WDFY4: variants seen among roughly 807,000 people sequenced by gnomAD.
WDFY4 encodes WD repeat- and FYVE domain-containing protein 4.
WDFY4 carries 169 observed loss-of-function variants against 351.9 expected under a neutral mutation model. That is an observed-to-expected ratio of 0.48 (90% confidence interval 0.42 to 0.55). The LOEUF is 0.55. WDFY4 is among the 20% of genes least tolerant of loss of function. WDFY4 has a pLI of 0.00. For synonymous variants in WDFY4, 1,622 were observed against 1,574.6 expected (o/e 1.03, Z -0.71); for missense variants, 3,803 against 3,935.6 (o/e 0.97, Z 0.90).
chr10:48,795,133 G>A lies in WDFY4; in HGVS notation c.4258-1165G>A, dbSNP rs1346741245. ...GTGACCAGTAGGATCCAGAGACCAG[G>A]TAGATCGGAGACTCTGCTTGTGACA... On this transcript the variant is annotated intron_variant, in intron 23 of 61. Transcript: ENST00000325239. Among the ~76,000 whole-genome samples the A allele has an allele frequency of 3.3e-5, 5 of 152,100 alleles. No homozygotes were observed. In the East Asian group the frequency reaches 7.7e-4, roughly 23 times the overall value.
At chr10:48,858,776 A>T (rs1319828102) in intron 39 of WDFY4, among the ~76,000 whole-genome samples, 1 of 152,244 alleles carries the variant, frequency 6.6e-6, no homozygotes, top group African/African-American at 2.4e-5. Context: ...TTTATTAAAC[A>T]TGCTTAGCAA....
intron 7 of WDFY4, among the ~76,000 whole-genome samples, chr10:48,728,483 C>T (rs1176906073): frequency 5.9e-5 from 9 of 152,194 alleles, no homozygotes; most frequent in Admixed American, 1.3e-4. Flanking sequence ...CTTTGCTGGG[C>T]GAGAATGAGA....
intron 27 of WDFY4, among the ~76,000 whole-genome samples, chr10:48,807,173 T>C (rs1004811872): frequency 1.3e-5 from 2 of 152,202 alleles, no homozygotes; most frequent in African/African-American, 4.8e-5. Context: ...GCGTGGTGTA[T>C]GCCCTGTATT....
At position 48,941,154 on chromosome 10, in the gene WDFY4, C is replaced by G. The variant is rs764836713; in HGVS notation, c.7587-652C>G. 3.9e-5 allele frequency among the ~76,000 whole-genome samples: 6 copies of G among 152,062 alleles called. No homozygotes were observed. In the East Asian group the frequency reaches 1.2e-3, roughly 29 times the overall value. ...AGGATCCAGCTGTGCAACCCTGCCC[C>G]GTGGTTGCAGAGATGAATGCGAAAG... On this transcript the variant is annotated intron_variant, in intron 47 of 61. Transcript: ENST00000325239.
intron 24 of WDFY4, among the ~76,000 whole-genome samples, chr10:48,797,072 G>A (rs1167336238): frequency 1.3e-5 from 2 of 152,222 alleles, no homozygotes; most frequent in African/African-American, 4.8e-5. Flanking sequence ...AATGCTAGGT[G>A]CTTCAGTGAG....
intron 19 of WDFY4, among the ~76,000 whole-genome samples, chr10:48,783,449 AT>A: frequency 6.6e-6 from 1 of 151,822 alleles, no homozygotes; most frequent in Non-Finnish European, 1.5e-5. Flanking sequence ...TGCAGGGCCA[AT>A]TGTACATATT....
At chr10:48,820,773 T>G (rs12246033) in intron 33 of WDFY4, among the ~76,000 whole-genome samples, 16,091 of 152,106 alleles carry the variant, frequency 0.11, 953 homozygotes, top group South Asian at 0.15. Flanking sequence ...CAAGGGGGGT[T>G]CTGGGGTGCT....
At chr10:48,956,957 T>C (rs897659316) in intron 51 of WDFY4, among the ~76,000 whole-genome samples, 172 bp from the exon 52 acceptor site, 12 of 152,162 alleles carry the variant, frequency 7.9e-5, no homozygotes, top group African/African-American at 2.4e-5. Context: ...AAGGAACCGG[T>C]GGCTGGAGAA....
intron 56 of WDFY4, 57 bp downstream of exon 56, chr10:48,969,305 G>T: frequency 6.5e-7 from 1 of 1,536,116 alleles, no homozygotes; most frequent in Non-Finnish European, 8.8e-7. Flanking sequence ...CCTCCAGCTG[G>T]AGGCAGAGAT....
Position 48,709,965 on chromosome 10 carries a change from A to G in WDFY4, c.233A>G (p.Lys78Arg). The G allele has an allele frequency of 6.5e-7, 1 of 1,546,586 alleles. No homozygotes were observed. The highest frequency in any genetic ancestry group is 8.7e-7 in the Non-Finnish European group (1 of 1,143,596). ...SLLSLLPLFL[K>R]AWEHSVGIIC... ...TTGAGTCTTCTCCCCCTATTCCTAAAGGTTAGTGTTCTTATTTTTGAAACT... is the reference window on the plus strand; with the variant it reads ...TTGAGTCTTCTCCCCCTATTCCTAAGGGTTAGTGTTCTTATTTTTGAAACT... The change falls in exon 2 of 62, where the codon AAG (lysine) becomes AGG (arginine). Residue 78 changes from lysine to arginine, a missense_variant and splice_region_variant. Transcript: ENST00000325239.
intron 51 of WDFY4, among the ~76,000 whole-genome samples, chr10:48,954,195 A>C (rs1841478148): frequency 6.6e-6 from 1 of 152,240 alleles, no homozygotes; most frequent in Admixed American, 6.5e-5. Context: ...CCACATCTTT[A>C]CATGTGAGTG....
At chr10:48,858,213 G>C (rs139163966) in intron 39 of WDFY4, among the ~76,000 whole-genome samples, 33 of 151,610 alleles carry the variant, frequency 2.2e-4, no homozygotes, top group Middle Eastern at 3.4e-3. Context: ...TCATGGTTTT[G>C]CAGAGCAAAA....
intron 39 of WDFY4, among the ~76,000 whole-genome samples, chr10:48,854,562 C>T (rs571299013): frequency 3.6e-4 from 55 of 152,246 alleles, no homozygotes; most frequent in African/African-American, 9.6e-4. Context: ...CAAGAGAGGT[C>T]CTAGTAACCT....
intron 12 of WDFY4, among the ~76,000 whole-genome samples, chr10:48,746,800 C>T (rs1049869173): frequency 6.6e-6 from 1 of 152,106 alleles, no homozygotes; most frequent in Non-Finnish European, 1.5e-5. Flanking sequence ...AATTAAGACA[C>T]CAAGACCTTA....
rs558338133 is a variant in WDFY4 at position 48,722,122 on chromosome 10, G to A, written c.456+755G>A. Among the ~76,000 whole-genome samples the A allele has an allele frequency of 8.7e-4, 132 of 152,312 alleles. No homozygotes were observed. The Middle Eastern group carries it at 0.01, about 12-fold the overall frequency. ...AGACATGAGATGGGCATTTGCAGCC[G>A]TGCTTGGAAGGGTGATAGGAGCACA... On this transcript the variant is annotated intron_variant, in intron 4 of 61. Transcript: ENST00000325239.
intron 51 of WDFY4, among the ~76,000 whole-genome samples, chr10:48,950,942 C>T (rs1356235806): frequency 6.6e-6 from 1 of 152,210 alleles, no homozygotes; most frequent in African/African-American, 2.4e-5. Context: ...GTACTGTATG[C>T]CTGTGTGGCA....
intron 2 of WDFY4, among the ~76,000 whole-genome samples, chr10:48,715,942 C>A (rs1271919766): frequency 1.3e-5 from 2 of 151,988 alleles, no homozygotes; most frequent in Non-Finnish European, 2.9e-5. Flanking sequence ...AGCCACCGCG[C>A]CCGGCCACCA....
At chr10:48,869,001 A>G (rs1399252467) in intron 40 of WDFY4, among the ~76,000 whole-genome samples, 3 of 152,164 alleles carry the variant, frequency 2.0e-5, no homozygotes, top group Non-Finnish European at 2.9e-5. Context: ...AAGTTGTGCA[A>G]TTTTCCTGTT....
At chr10:48,786,318 T>A (rs964228780) in intron 19 of WDFY4, among the ~76,000 whole-genome samples, 1 of 152,234 alleles carries the variant, frequency 6.6e-6, no homozygotes, top group Non-Finnish European at 1.5e-5. Context: ...TTATTGTTCA[T>A]ACATAAAACT....
Sources: gnomAD v4.1 joint callset for allele counts (sites outside exome capture counted in the v4.1 genomes callset) on GRCh38, gnomAD v4.1.1 for gene constraint, MANE v1.5 for transcripts, NCBI Gene and HGNC (gene_info 2026-07-23, HGNC 2026-07-21) for gene names.